The following ZCCHC14 variants were observed in gnomAD, a reference collection of about 807,000 sequenced individuals.
ZCCHC14 encodes zinc finger CCHC-type containing 14.
A neutral mutation model predicts 85.0 loss-of-function variants in ZCCHC14; 16 were observed. The observed-to-expected ratio is 0.19, with a 90% CI of 0.13 to 0.29. ZCCHC14 has a LOEUF of 0.29. Ranked by LOEUF, ZCCHC14 falls within the 10% of genes least tolerant of loss-of-function variation. ZCCHC14 has a pLI of 1.00. For missense variants in ZCCHC14, 1,303 were observed against 1,443.5 expected (o/e 0.90, Z 1.58); for synonymous variants, 775 against 630.7 (o/e 1.23, Z -3.43).
At chr16:87,443,929 C>T (rs990041435) in intron 2 of ZCCHC14, among the ~76,000 whole-genome samples, 1 of 150,916 alleles carries the variant, frequency 6.6e-6, no homozygotes, top group Non-Finnish European at 1.5e-5. Flanking sequence ...CCCAGCTCCT[C>T]AGGAGGCTGA....
chr16:87,454,726 T>C (rs1910868977), intron 2 of ZCCHC14, among the ~76,000 whole-genome samples: 1 of 152,224 alleles, frequency 6.6e-6, no homozygotes, highest in African/African-American at 2.4e-5. Flanking sequence ...TAAAAGACTA[T>C]CATCTTTTTC....
chr16:87,429,306 GTGT>G (rs1295522633), intron 3 of ZCCHC14, among the ~76,000 whole-genome samples: 1 of 152,138 alleles, frequency 6.6e-6, no homozygotes, highest in African/African-American at 2.4e-5. Context: ...CTTTTCACAT[GTGT>G]TTATGTGCCA....
At position 87,492,386 on chromosome 16, in the gene ZCCHC14, CGGGCGGGCGCCG is replaced by C. The variant is rs1235348497; in HGVS notation, c.-160_-149del. On this transcript the variant is annotated 5_prime_UTR_variant, in exon 1 of 13. Transcript: ENST00000671377. The surrounding 1 kb of genome is among the most constrained non-coding windows in gnomAD (Gnocchi z 6.7). Reference sequence around the variant, plus strand: ...GCGAGGGCGCGCGGGCGCCGCGGGCCGGGCGGGCGCCGGGGCGGGGGCGGGGACCGGGGCCGG... The same window carrying C: ...GCGAGGGCGCGCGGGCGCCGCGGGCCGGGCGGGGGCGGGGACCGGGGCCGG... 7.0e-6 allele frequency: 1 copy of C among 143,266 alleles called. No individual in the cohort carries two copies. Among genetic ancestry groups the C allele is most frequent in the African/African-American group, 2.5e-5 (1 of 39,418 alleles). The allele number at this position is 143,266 out of a possible 1,614,324, so 8.9% of individuals were successfully genotyped here.
At chr16:87,488,303 C>T (rs894786227) in intron 1 of ZCCHC14, among the ~76,000 whole-genome samples, 1 of 152,154 alleles carries the variant, frequency 6.6e-6, no homozygotes, top group African/African-American at 2.4e-5. Context: ...CAACTATCCC[C>T]CACAGTTGGC....
chr16:87,425,574 C>CAA (rs1274904709), intron 3 of ZCCHC14, among the ~76,000 whole-genome samples: 2 of 139,138 alleles, frequency 1.4e-5, no homozygotes, highest in African/African-American at 2.6e-5. Context: ...GAAACTCTAT[C>CAA]AAAAAAAAAA....
chr16:87,427,337 A>T (rs1909423548), intron 3 of ZCCHC14, among the ~76,000 whole-genome samples: 1 of 152,244 alleles, frequency 6.6e-6, no homozygotes, highest in Admixed American at 6.5e-5. Context: ...GGGAAGCCTC[A>T]CTTGCCAGGA....
intron 2 of ZCCHC14, among the ~76,000 whole-genome samples, chr16:87,439,095 T>C (rs1305371817): frequency 4.6e-5 from 7 of 151,982 alleles, no homozygotes; most frequent in South Asian, 2.1e-4. Flanking sequence ...ATCTTCTTTA[T>C]AGGATTCCAA....
chr16:87,490,132 T>TCA (rs1271275971), intron 1 of ZCCHC14, among the ~76,000 whole-genome samples: 1 of 152,088 alleles, frequency 6.6e-6, no homozygotes, highest in Non-Finnish European at 1.5e-5. Context: ...GAGGTAAATG[T>TCA]CACACACACA....
At chr16:87,440,361 C>T (rs1002612793) in intron 2 of ZCCHC14, among the ~76,000 whole-genome samples, 13 of 152,052 alleles carry the variant, frequency 8.5e-5, no homozygotes, top group Admixed American at 5.2e-4. Flanking sequence ...GACAGGGTTT[C>T]GACATATTGG....
chr16:87,429,415 G>C (rs1445042851), intron 3 of ZCCHC14, among the ~76,000 whole-genome samples: 2 of 152,100 alleles, frequency 1.3e-5, no homozygotes, highest in African/African-American at 4.8e-5. Flanking sequence ...GGCCTCAAGG[G>C]ATATTCCTGC....
intron 1 of ZCCHC14, among the ~76,000 whole-genome samples, chr16:87,477,158 A>G (rs1597451292): frequency 6.6e-6 from 1 of 151,514 alleles, no homozygotes; most frequent in African/African-American, 2.4e-5. Flanking sequence ...AAAACCAAAA[A>G]AAAATTGAAG....
Position 87,440,706 on chromosome 16 carries a change from A to C in ZCCHC14, c.695-7505T>G, listed in dbSNP as rs149174390. Among the ~76,000 whole-genome samples, 1,059 of 152,174 alleles carry C rather than the reference A, an allele frequency of 7.0e-3. 21 individuals carry two copies. Among genetic ancestry groups the C allele is most frequent in the African/African-American group, 0.024 (1,016 of 41,496 alleles). On this transcript the variant is annotated intron_variant, in intron 2 of 12. Coordinates refer to ENST00000671377, the MANE Select transcript of ZCCHC14 (RefSeq NM_015144.3). ...ACTGCAGCCTCGACCTCCTGGGTCCAAGTGATCCACCCACCTCAGCCTCCT... is the reference window on the plus strand; with the variant it reads ...ACTGCAGCCTCGACCTCCTGGGTCCCAGTGATCCACCCACCTCAGCCTCCT...
intron 1 of ZCCHC14, among the ~76,000 whole-genome samples, chr16:87,465,088 G>C (rs1217682367): frequency 6.6e-6 from 1 of 152,170 alleles, no homozygotes; most frequent in East Asian, 1.9e-4. Context: ...GCTGCCCTGG[G>C]CACAGCAGTC....
chr16:87,479,767 C>T (rs957720619), intron 1 of ZCCHC14, among the ~76,000 whole-genome samples: 14 of 152,266 alleles, frequency 9.2e-5, no homozygotes, highest in Non-Finnish European at 1.9e-4. Context: ...TCCACAGGCT[C>T]CACAGGAGAC....
chr16:87,484,422 A>AAGG (rs1912422487), intron 1 of ZCCHC14, among the ~76,000 whole-genome samples: 1 of 152,224 alleles, frequency 6.6e-6, no homozygotes, highest in African/African-American at 2.4e-5. Context: ...TTCGAGGCAA[A>AAGG]AGGCAGGTCA....
At chr16:87,481,855 G>C (rs1006057896) in intron 1 of ZCCHC14, among the ~76,000 whole-genome samples, 4 of 152,150 alleles carry the variant, frequency 2.6e-5, no homozygotes, top group South Asian at 2.1e-4. Context: ...ATAAAGAAAA[G>C]AAATGTATTT....
intron 2 of ZCCHC14, among the ~76,000 whole-genome samples, chr16:87,444,159 C>T (rs1272067521): frequency 6.6e-6 from 1 of 152,122 alleles, no homozygotes; most frequent in African/African-American, 2.4e-5. Context: ...GCACACACAG[C>T]ATCAGATTTT....
intron 3 of ZCCHC14, among the ~76,000 whole-genome samples, chr16:87,430,819 GCTAA>G (rs1469223592): frequency 3.4e-5 from 5 of 149,140 alleles, no homozygotes; most frequent in African/African-American, 1.2e-4. Flanking sequence ...ACTGTGCCCC[GCTAA>G]CTTTCAGAAT....
intron 3 of ZCCHC14, among the ~76,000 whole-genome samples, chr16:87,432,386 G>A (rs1419653075): frequency 6.6e-6 from 1 of 152,212 alleles, no homozygotes; most frequent in Non-Finnish European, 1.5e-5. Flanking sequence ...TTTCAGGAAT[G>A]TTCCTTAAGA....
Sources: allele counts gnomAD v4.1 joint callset (sites outside exome capture counted in the v4.1 genomes callset), GRCh38; gene constraint gnomAD v4.1.1; non-coding constraint Gnocchi (gnomAD v3.1); transcripts MANE v1.5; gene names NCBI Gene and HGNC (gene_info 2026-07-23, HGNC 2026-07-21).